Variants in MAN1A2 observed in about 807,000 individuals in gnomAD.
The protein encoded by MAN1A2 is mannosyl-oligosaccharide 1,2-alpha-mannosidase IB.
Under a neutral mutation model 75.7 loss-of-function variants are expected in MAN1A2, and 26 were observed. The observed-to-expected ratio is 0.34, with a 90% CI of 0.25 to 0.48. The LOEUF is 0.48. Among genes scored for constraint, MAN1A2 ranks in the 20% least tolerant of loss-of-function variants. The pLI, the probability that MAN1A2 is intolerant of heterozygous loss-of-function variation, is 0.99. For synonymous variants in MAN1A2, 247 were observed against 264.6 expected (o/e 0.93, Z 0.65); for missense variants, 562 against 775.5 (o/e 0.72, Z 3.27).
At chr1:117,377,584 A>G (rs758311778) in intron 1 of MAN1A2, among the ~76,000 whole-genome samples, 1 of 152,230 alleles carries the variant, frequency 6.6e-6, no homozygotes, top group Non-Finnish European at 1.5e-5. Flanking sequence ...CCCTGAAGCT[A>G]TAACATGACA....
At chr1:117,511,583 G>A (rs536576865) in intron 12 of MAN1A2, among the ~76,000 whole-genome samples, 1 of 152,038 alleles carries the variant, frequency 6.6e-6, no homozygotes, top group East Asian at 1.9e-4. Flanking sequence ...AGCACATGAG[G>A]CACTCAGTAA....
At chr1:117,401,079 CTTCT>C (rs978594457) in intron 1 of MAN1A2, among the ~76,000 whole-genome samples, 1 of 151,554 alleles carries the variant, frequency 6.6e-6, no homozygotes. Context: ...AGGGTTTTGC[CTTCT>C]TTAAGTACCT....
chr1:117,465,357 T>C (rs1649950496), intron 7 of MAN1A2, among the ~76,000 whole-genome samples: 1 of 152,190 alleles, frequency 6.6e-6, no homozygotes, highest in Non-Finnish European at 1.5e-5. Context: ...AAAAGTGGTC[T>C]ATGGAATTTT....
At position 117,384,952 on chromosome 1, in the gene MAN1A2, C is replaced by T. The variant is rs1272055375; in HGVS notation, c.302+16467C>T. Among the ~76,000 whole-genome samples the T allele has an allele frequency of 5.9e-5, 9 of 152,112 alleles. No homozygotes were observed. In the East Asian group the frequency reaches 7.7e-4, roughly 13 times the overall value. ...CCCCAGCATCATGAAGCATAGACGA[C>T]GGAATTTGGAATTATATAGAAGAGT... On this transcript the variant is annotated intron_variant, in intron 1 of 12. Transcript: ENST00000356554.
At chr1:117,508,549 A>G (rs1651439827) in intron 12 of MAN1A2, among the ~76,000 whole-genome samples, 1 of 151,626 alleles carries the variant, frequency 6.6e-6, no homozygotes. Context: ...ATATACTTAT[A>G]TACTTAAGAA....
chr1:117,470,087 A>G (rs545647501), intron 8 of MAN1A2, among the ~76,000 whole-genome samples: 17 of 152,156 alleles, frequency 1.1e-4, no homozygotes, highest in Non-Finnish European at 2.4e-4. Flanking sequence ...ATGAATGGGT[A>G]AACAATATGT....
At chr1:117,497,728 T>C (rs1227444945) in intron 10 of MAN1A2, among the ~76,000 whole-genome samples, 1 of 151,806 alleles carries the variant, frequency 6.6e-6, no homozygotes, top group Non-Finnish European at 1.5e-5. Context: ...AAAGGTTTCT[T>C]AGGGGTGCAG....
At chr1:117,514,063 A>G (rs926504235) in intron 12 of MAN1A2, among the ~76,000 whole-genome samples, 4 of 152,158 alleles carry the variant, frequency 2.6e-5, no homozygotes, top group Admixed American at 1.3e-4. Flanking sequence ...CAACATTTCT[A>G]TGTTTGGAAG....
chr1:117,519,367 A>G (rs1651807562), intron 12 of MAN1A2, among the ~76,000 whole-genome samples: 1 of 152,114 alleles, frequency 6.6e-6, no homozygotes, highest in African/African-American at 2.4e-5. Flanking sequence ...TTGAAACAAA[A>G]AAAATACAAA....
intron 1 of MAN1A2, among the ~76,000 whole-genome samples, chr1:117,382,559 G>A (rs1653379704): frequency 6.6e-6 from 1 of 152,192 alleles, no homozygotes; most frequent in African/African-American, 2.4e-5. Context: ...TTTGGTACCA[G>A]TACCATGCTG....
At chr1:117,407,473 G>A (rs1647654886) in intron 3 of MAN1A2, among the ~76,000 whole-genome samples, 1 of 151,970 alleles carries the variant, frequency 6.6e-6, no homozygotes, top group Non-Finnish European at 1.5e-5. Context: ...CTCAAATTTA[G>A]TATGCCTTTA....
chr1:117,483,193 T>A (rs539575789), intron 8 of MAN1A2, among the ~76,000 whole-genome samples: 86 of 152,308 alleles, frequency 5.6e-4, no homozygotes, highest in Non-Finnish European at 1.0e-3. Context: ...ACTTTGTTCT[T>A]TTTGCTTAGG....
chr1:117,416,911 G>A (rs544349181), intron 4 of MAN1A2, among the ~76,000 whole-genome samples: 36 of 152,276 alleles, frequency 2.4e-4, no homozygotes, highest in African/African-American at 7.7e-4. Flanking sequence ...CTGATTTGGG[G>A]ATTGTGTGTC....
chr1:117,403,028 G>T (rs1647493421), intron 2 of MAN1A2, among the ~76,000 whole-genome samples: 1 of 152,118 alleles, frequency 6.6e-6, no homozygotes, highest in Non-Finnish European at 1.5e-5. Flanking sequence ...TAAAAGTAAA[G>T]AGAATACCAG....
At chr1:117,452,905 A>G (rs1181872883) in intron 6 of MAN1A2, among the ~76,000 whole-genome samples, 1 of 152,236 alleles carries the variant, frequency 6.6e-6, no homozygotes, top group South Asian at 2.1e-4. Context: ...TTTCAAGGAC[A>G]GGCTGACTCT....
Position 117,367,637 on chromosome 1 carries a change from G to T in MAN1A2, c.-547G>T, listed in dbSNP as rs1366081405. 1 of 152,386 alleles carries T rather than the reference G, an allele frequency of 6.6e-6. No homozygotes were observed. Among genetic ancestry groups the T allele is most frequent in the African/African-American group, 2.4e-5 (1 of 41,474 alleles). 9.4% of individuals were successfully genotyped at this position (152,386 alleles called of 1,614,324 possible). The stretch of plus-strand genomic sequence containing the variant: ...ACTCCTTCCTGCTACTTCGCCCAGC[G>T]CCGCTGCTTCGGCTTCCCAGCGAAG... On this transcript the variant is annotated 5_prime_UTR_variant, in exon 1 of 13. Transcript: ENST00000356554.
intron 3 of MAN1A2, among the ~76,000 whole-genome samples, chr1:117,410,193 G>A (rs1647760889): frequency 6.6e-6 from 1 of 151,878 alleles, no homozygotes; most frequent in Non-Finnish European, 1.5e-5. Context: ...CTGTGGATAT[G>A]TAACTGGTGA....
intron 1 of MAN1A2, among the ~76,000 whole-genome samples, chr1:117,395,024 G>C (rs1169155622): frequency 6.6e-6 from 1 of 152,154 alleles, no homozygotes; most frequent in Admixed American, 6.5e-5. Context: ...GAATCATCCA[G>C]AATGCTTCCA....
At chr1:117,385,027 C>T (rs1653478907) in intron 1 of MAN1A2, among the ~76,000 whole-genome samples, 1 of 152,108 alleles carries the variant, frequency 6.6e-6, no homozygotes, top group Non-Finnish European at 1.5e-5. Flanking sequence ...GTCTGGCTGT[C>T]TGAATTTTAG....
Sources: allele counts gnomAD v4.1 joint callset (sites outside exome capture counted in the v4.1 genomes callset), GRCh38; gene constraint gnomAD v4.1.1; transcripts MANE v1.5; gene names NCBI Gene and HGNC (gene_info 2026-07-23, HGNC 2026-07-21).